ATXN7: variants seen among roughly 807,000 people sequenced by gnomAD.
The protein encoded by ATXN7 is ataxin-7.
ATXN7 carries 12 observed loss-of-function variants against 70.5 expected under a neutral mutation model. The ratio of observed to expected loss-of-function variants is 0.17; its 90% CI spans 0.11 to 0.28. ATXN7 has a LOEUF of 0.28. Ranked by LOEUF, ATXN7 falls within the 10% of genes least tolerant of loss-of-function variation. ATXN7 has a pLI of 1.00. For synonymous variants in ATXN7, 498 were observed against 448.7 expected, an observed-to-expected ratio of 1.11 and a Z score of -1.39; for missense variants, 1,256 against 1,131.7, an observed-to-expected ratio of 1.11 and a Z score of -1.58.
intron 5 of ATXN7, among the ~76,000 whole-genome samples, chr3:63,958,875 C>G (rs914970833): frequency 6.6e-6 from 1 of 152,124 alleles, no homozygotes; most frequent in Non-Finnish European, 1.5e-5. Context: ...ACCATCTTTT[C>G]TACCTACTAA....
intron 1 of ATXN7, among the ~76,000 whole-genome samples, chr3:63,886,347 A>G (rs1231612902): frequency 6.6e-6 from 1 of 152,204 alleles, no homozygotes; most frequent in Non-Finnish European, 1.5e-5. Context: ...AGTAATGGTG[A>G]CTATAGTTAA....
intron 12 of ATXN7, chr3:63,997,516 G>A (rs778303464): frequency 1.7e-5 from 16 of 935,462 alleles, no homozygotes; most frequent in East Asian, 2.6e-5. Flanking sequence ...TTTTTGTCTC[G>A]TCCCAGCTCT....
chr3:63,907,801 G>T (rs6806547), intron 2 of ATXN7, among the ~76,000 whole-genome samples: 122,754 of 152,032 alleles, frequency 0.81, 50,211 homozygotes, highest in African/African-American at 0.95. Flanking sequence ...TTCCTCAGCC[G>T]AAAGACTTTA....
Position 63,877,702 on chromosome 3 carries a change from T to A in ATXN7, c.-111+13544T>A, listed in dbSNP as rs3774704. ...GCTTATTGATATGAGCCATAAGTTC[T>A]TATCAACCCCGTGGAAAAATTCTTT... On this transcript the variant is annotated intron_variant, in intron 1 of 12. Coordinates refer to ENST00000674280, the MANE Select transcript of ATXN7 (RefSeq NM_001377405.1). Among the ~76,000 whole-genome samples the A allele has an allele frequency of 2.8e-4, 43 of 152,364 alleles. No individual in the cohort carries two copies. The East Asian group carries it at 8.1e-3, about 29-fold the overall frequency.
At chr3:63,896,580 A>G (rs1490484025) in intron 1 of ATXN7, among the ~76,000 whole-genome samples, 2 of 152,208 alleles carry the variant, frequency 1.3e-5, no homozygotes, top group Non-Finnish European at 2.9e-5. Context: ...CAGTAGTAAA[A>G]TGGAGATCAT....
At chr3:63,958,031 T>C (rs530137186) in intron 5 of ATXN7, among the ~76,000 whole-genome samples, 1 of 152,356 alleles carries the variant, frequency 6.6e-6, no homozygotes, top group South Asian at 2.1e-4. Context: ...AGTCTGTTGG[T>C]GAGGCTTCAG....
intron 4 of ATXN7, among the ~76,000 whole-genome samples, chr3:63,932,911 A>G (rs1159567540): frequency 6.6e-6 from 1 of 152,026 alleles, no homozygotes; most frequent in African/African-American, 2.4e-5. Context: ...TTCAACTACC[A>G]CCTAGTTTTT....
chr3:63,995,666 G>A lies in ATXN7; in HGVS notation c.1844G>A (p.Ser615Asn), dbSNP rs372047910. ...LLSSTCISPN[S>N]KSVPAHGTTL... ...TCATCTACCTGCATCTCCCCAAATA[G>A]CAAATCGGTACCAGCTCATGGAACC... The change falls in exon 12 of 13, where the codon AGC (serine) becomes AAC (asparagine). Residue 615 changes from serine to asparagine, a missense_variant. Coordinates refer to ENST00000674280, the MANE Select transcript of ATXN7 (RefSeq NM_001377405.1). 6.2e-7 allele frequency: 1 copy of A among 1,614,128 alleles called. No individual in the cohort carries two copies. The highest frequency in any genetic ancestry group is 8.5e-7 in the Non-Finnish European group (1 of 1,180,020).
At chr3:63,963,746 G>T (rs2075170935) in intron 5 of ATXN7, among the ~76,000 whole-genome samples, 1 of 152,042 alleles carries the variant, frequency 6.6e-6, no homozygotes, top group African/African-American at 2.4e-5. Context: ...AGCTTCCTCT[G>T]CCAGGCCCTC....
At chr3:63,962,361 G>A (rs143804495) in intron 5 of ATXN7, among the ~76,000 whole-genome samples, 36 of 151,754 alleles carry the variant, frequency 2.4e-4, no homozygotes, top group East Asian at 1.4e-3. Flanking sequence ...AATTTGTTTC[G>A]TTGCCTCTTA....
chr3:63,998,754 A>C, intron 12 of ATXN7: 1 of 936,062 alleles, frequency 1.1e-6, no homozygotes, highest in South Asian at 4.9e-5. Context: ...AAGAATCTCA[A>C]AGGGACTCGT....
chr3:63,890,986 T>TTTTTA (rs768590018), intron 1 of ATXN7, among the ~76,000 whole-genome samples: 180 of 152,130 alleles, frequency 1.2e-3, no homozygotes, highest in African/African-American at 3.3e-3. Context: ...AACATTTCTT[T>TTTTTA]TTTTATTTTA....
intron 8 of ATXN7, among the ~76,000 whole-genome samples, chr3:63,983,946 A>C (rs1213906651): frequency 6.6e-6 from 1 of 152,194 alleles, no homozygotes; most frequent in East Asian, 1.9e-4. Flanking sequence ...GATAAAAGTT[A>C]GCATTTTCTT....
intron 6 of ATXN7, among the ~76,000 whole-genome samples, chr3:63,981,608 T>C (rs1240137810): frequency 6.6e-6 from 1 of 152,238 alleles, no homozygotes; most frequent in Non-Finnish European, 1.5e-5. Context: ...TTTCAAGGAC[T>C]GGAGAATTAC....
chr3:63,980,406 A>G (rs1261204333), intron 6 of ATXN7: 1 of 562,776 alleles, frequency 1.8e-6, no homozygotes, highest in East Asian at 3.0e-5. Context: ...TGTGCTAGCT[A>G]CTGAAACCTA....
intron 1 of ATXN7, among the ~76,000 whole-genome samples, chr3:63,890,532 A>G (rs780860228): frequency 3.9e-5 from 6 of 152,228 alleles, no homozygotes; most frequent in Admixed American, 6.5e-5. Context: ...TATTCAGAAG[A>G]GGAAATGATT....
At chr3:63,864,683 G>GAA (rs990638872) in intron 1 of ATXN7, 1 of 152,238 alleles carries the variant, frequency 6.6e-6, no homozygotes, top group African/African-American at 2.4e-5. Flanking sequence ...CGGTGATCGT[G>GAA]ATGGGGTGCT....
chr3:63,915,468 A>T (rs780148951), intron 4 of ATXN7, among the ~76,000 whole-genome samples: 8 of 152,216 alleles, frequency 5.3e-5, no homozygotes, highest in Admixed American at 1.3e-4. Context: ...TGTTCTCCTA[A>T]CAGACCATTG....
intron 5 of ATXN7, among the ~76,000 whole-genome samples, chr3:63,965,981 G>A (rs190993655): frequency 1.3e-5 from 2 of 152,240 alleles, no homozygotes; most frequent in African/African-American, 4.8e-5. Flanking sequence ...AAATATAGAC[G>A]TTTGTTTGTA....
Sources: gnomAD v4.1 joint callset for allele counts (sites outside exome capture counted in the v4.1 genomes callset) on GRCh38, gnomAD v4.1.1 for gene constraint, MANE v1.5 for transcripts, NCBI Gene and HGNC (gene_info 2026-07-23, HGNC 2026-07-21) for gene names.